WDR72: variants seen among roughly 807,000 people sequenced by gnomAD.
The protein encoded by WDR72 is WD repeat-containing protein 72.
WDR72 carries 120 observed loss-of-function variants against 124.2 expected under a neutral mutation model. The ratio of observed to expected loss-of-function variants is 0.97; its 90% CI spans 0.83 to 1.12. The LOEUF is 1.12. Ranked by LOEUF, WDR72 falls within the 50% of genes most tolerant of loss-of-function variation. The pLI, the probability that WDR72 is intolerant of heterozygous loss-of-function variation, is 0.00. For synonymous variants in WDR72, 452 were observed against 441.7 expected, an observed-to-expected ratio of 1.02 and a Z score of -0.29; for missense variants, 1,387 against 1,278.8, an observed-to-expected ratio of 1.08 and a Z score of -1.29.
At chr15:53,706,346 GTGTGTATATATATATATATATATATA>G (rs56186487) in intron 9 of WDR72, among the ~76,000 whole-genome samples, 24,049 of 98,036 alleles carry the variant, frequency 0.25, 2,651 homozygotes, top group East Asian at 0.42. Context: ...GTGTGTGTGT[GTGTGTATATATATATATATATATATA>G]TATATATATA....
At chr15:53,632,675 G>T (rs549647544) in intron 14 of WDR72, among the ~76,000 whole-genome samples, 110 of 152,362 alleles carry the variant, frequency 7.2e-4, no homozygotes, top group African/African-American at 2.5e-3. Context: ...AAGCCACAGG[G>T]GTGAAGCGGC....
intron 15 of WDR72, 89 bp downstream of exon 15, chr15:53,615,337 G>A: frequency 1.9e-6 from 2 of 1,056,192 alleles, no homozygotes; most frequent in South Asian, 3.3e-5. Flanking sequence ...AAAGAAGGAA[G>A]GAATGTTAAA....
At chr15:53,530,542 C>G (rs1237998406) in intron 18 of WDR72, among the ~76,000 whole-genome samples, 1 of 151,816 alleles carries the variant, frequency 6.6e-6, no homozygotes, top group Non-Finnish European at 1.5e-5. Flanking sequence ...AAGTTGAAAG[C>G]AGGAATACAT....
Position 53,710,923 on chromosome 15 carries a change from A to T in WDR72, c.888T>A (p.Asp296Glu). Residue 296 changes from aspartate to glutamate, a missense_variant, in exon 9 of 20, where the codon GAT becomes GAA. Coordinates refer to ENST00000360509, the MANE Select transcript of WDR72 (RefSeq NM_182758.4). The part of the protein sequence containing the change: ...SGLSKSIYPA[D>E]GRVLKETIYP... ...AAATGGTCTCTTTAAGCACTCTTCC[A>T]TCAGCAGGGTATATGCTTTTTGAAA... 6.2e-7 allele frequency: 1 copy of T among 1,613,908 alleles called. No individual in the cohort carries two copies. Among genetic ancestry groups the T allele is most frequent in the Non-Finnish European group, 8.5e-7 (1 of 1,179,930 alleles).
intron 9 of WDR72, among the ~76,000 whole-genome samples, chr15:53,706,790 T>G (rs1210517000): frequency 6.6e-6 from 1 of 152,060 alleles, no homozygotes; most frequent in Non-Finnish European, 1.5e-5. Flanking sequence ...AGGAAAATGA[T>G]TCCATAATTT....
chr15:53,544,097 T>A (rs1160314227), intron 18 of WDR72, among the ~76,000 whole-genome samples: 44 of 141,688 alleles, frequency 3.1e-4, no homozygotes, highest in African/African-American at 1.1e-3. Flanking sequence ...GAGGAACTGG[T>A]ACCATTCCTT....
intron 18 of WDR72, among the ~76,000 whole-genome samples, chr15:53,596,776 G>A (rs932179194): frequency 5.9e-5 from 9 of 152,092 alleles, no homozygotes; most frequent in Admixed American, 1.3e-4. Flanking sequence ...CAGAAACAGG[G>A]CACTTGGCTC....
At chr15:53,557,632 C>A (rs1049039559) in intron 18 of WDR72, among the ~76,000 whole-genome samples, 2 of 151,930 alleles carry the variant, frequency 1.3e-5, no homozygotes, top group Non-Finnish European at 2.9e-5. Context: ...GTAATGAAAT[C>A]TGGCTGAGGT....
chr15:53,639,532 A>AATTATATATAATTTTATTTATTTATAAC (rs1275927378), intron 14 of WDR72, among the ~76,000 whole-genome samples: 2 of 146,070 alleles, frequency 1.4e-5, no homozygotes, highest in Non-Finnish European at 3.0e-5. Flanking sequence ...TTATTTATAA[A>AATTATATATAATTTTATTTATTTATAAC]ATTATATATA....
At chr15:53,624,655 A>C (rs1302750287) in intron 14 of WDR72, among the ~76,000 whole-genome samples, 1 of 152,256 alleles carries the variant, frequency 6.6e-6, no homozygotes, top group Non-Finnish European at 1.5e-5. Context: ...TTAAAATCAT[A>C]AATGTTATTC....
chr15:53,724,783 C>G (rs548010357), intron 2 of WDR72, among the ~76,000 whole-genome samples: 73 of 152,244 alleles, frequency 4.8e-4, no homozygotes, highest in African/African-American at 1.8e-3. Flanking sequence ...CAAATCATCA[C>G]TCTGTACATC....
chr15:53,753,915 C>T (rs1221212742), intron 1 of WDR72, among the ~76,000 whole-genome samples: 2 of 152,132 alleles, frequency 1.3e-5, no homozygotes, highest in South Asian at 2.1e-4. Context: ...ACGACTACAT[C>T]CCTAGGGATT....
At chr15:53,546,932 A>C (rs1893499802) in intron 18 of WDR72, among the ~76,000 whole-genome samples, 1 of 152,212 alleles carries the variant, frequency 6.6e-6, no homozygotes, top group Non-Finnish European at 1.5e-5. Flanking sequence ...GTAGTGATAG[A>C]AAGAGTAAGT....
intron 18 of WDR72, among the ~76,000 whole-genome samples, chr15:53,530,327 G>A (rs770403492): frequency 1.3e-5 from 2 of 151,766 alleles, no homozygotes; most frequent in Non-Finnish European, 2.9e-5. Context: ...AAGAAAAAGA[G>A]ATTCAGAAAC....
At chr15:53,550,360 A>T (rs919692571) in intron 18 of WDR72, among the ~76,000 whole-genome samples, 3 of 152,202 alleles carry the variant, frequency 2.0e-5, no homozygotes, top group Non-Finnish European at 4.4e-5. Context: ...AACAGATAGC[A>T]GGCTGAATTC....
intron 14 of WDR72, among the ~76,000 whole-genome samples, chr15:53,635,046 T>C (rs760090968): frequency 6.6e-6 from 1 of 152,216 alleles, no homozygotes; most frequent in Non-Finnish European, 1.5e-5. Flanking sequence ...TTTTCCTTCC[T>C]CAACTGTGTC....
At chr15:53,755,091 TG>T (rs1159041101) in intron 1 of WDR72, among the ~76,000 whole-genome samples, 1 of 152,194 alleles carries the variant, frequency 6.6e-6, no homozygotes. Context: ...TACATCAACA[TG>T]GAAGGCAGAA....
intron 18 of WDR72, among the ~76,000 whole-genome samples, chr15:53,555,301 G>C (rs1893888090): frequency 6.6e-6 from 1 of 151,910 alleles, no homozygotes; most frequent in African/African-American, 2.4e-5. Flanking sequence ...ACGGAGGACA[G>C]AGGCAGGGCG....
intron 17 of WDR72, among the ~76,000 whole-genome samples, chr15:53,604,125 G>T (rs993680698): frequency 6.6e-6 from 1 of 151,964 alleles, no homozygotes; most frequent in Non-Finnish European, 1.5e-5. Flanking sequence ...ACTGGTACAA[G>T]AACAGACACA....
Sources: gnomAD v4.1 joint callset for allele counts (sites outside exome capture counted in the v4.1 genomes callset) on GRCh38, gnomAD v4.1.1 for gene constraint, MANE v1.5 for transcripts, NCBI Gene and HGNC (gene_info 2026-07-23, HGNC 2026-07-21) for gene names.